The following SNX31 variants were observed in gnomAD, a reference collection of about 807,000 sequenced individuals.
SNX31 encodes sorting nexin-31.
A neutral mutation model predicts 65.4 loss-of-function variants in SNX31; 58 were observed. The ratio of observed to expected loss-of-function variants is 0.89; its 90% CI spans 0.72 to 1.10. The LOEUF is 1.10. Among genes scored for constraint, SNX31 ranks in the 50% least tolerant of loss-of-function variants. The probability of loss-of-function intolerance (pLI) is 0.00; values close to 1 mark genes in which losing one functional copy is unlikely to be tolerated. For missense variants in SNX31, 523 were observed against 529.7 expected (o/e 0.99, Z 0.12); for synonymous variants, 181 against 190.1 (o/e 0.95, Z 0.39).
intron 2 of SNX31, among the ~76,000 whole-genome samples, chr8:100,646,503 G>C (rs1368222748): frequency 2.0e-5 from 3 of 152,158 alleles, no homozygotes; most frequent in Admixed American, 1.3e-4. Context: ...AGAAAGCCTG[G>C]CTGCATCAAT....
At position 100,658,366 on chromosome 8, in the gene SNX31, A is replaced by G. The variant is rs773267628; in HGVS notation, c.-58+4776T>C. 3.0e-4 allele frequency among the ~76,000 whole-genome samples: 45 copies of G among 152,230 alleles called. 1 individual carries two copies. The highest frequency in any genetic ancestry group is 1.3e-4 in the Admixed American group (2 of 15,286). On this transcript the variant is annotated intron_variant, in intron 1 of 5. Coordinates refer to the SNX31 transcript ENST00000520352. ...TGAAACATTGCCTGAGATTTTATTCAAAGTCTTTTTCATTCATGTGCAGAA... is the reference window on the plus strand; with the variant it reads ...TGAAACATTGCCTGAGATTTTATTCGAAGTCTTTTTCATTCATGTGCAGAA...
At chr8:100,603,127 C>G in intron 8 of SNX31, among the ~76,000 whole-genome samples, 1 of 152,164 alleles carries the variant, frequency 6.6e-6, no homozygotes, top group East Asian at 1.9e-4. Flanking sequence ...GGCAGCTACC[C>G]ACCCCAAGGC....
At chr8:100,620,818 G>A (rs1817629142) in intron 4 of SNX31, among the ~76,000 whole-genome samples, 1 of 152,106 alleles carries the variant, frequency 6.6e-6, no homozygotes, top group Non-Finnish European at 1.5e-5. Flanking sequence ...AACTTGCCCA[G>A]GCCGAGCATG....
chr8:100,643,289 G>A (rs1051498766), intron 2 of SNX31, among the ~76,000 whole-genome samples: 2 of 152,160 alleles, frequency 1.3e-5, no homozygotes, highest in African/African-American at 4.8e-5. Context: ...AACATGAAGA[G>A]GCCTTTACAG....
At chr8:100,644,869 C>T (rs1295999535) in intron 2 of SNX31, among the ~76,000 whole-genome samples, 2 of 152,204 alleles carry the variant, frequency 1.3e-5, no homozygotes, top group East Asian at 1.9e-4. Flanking sequence ...TTTACCATTG[C>T]CCAGGCAGGT....
At position 100,648,445 on chromosome 8, in the gene SNX31, G is replaced by A. The variant is rs941196609; in HGVS notation, c.141+829C>T. ...CCCAAAGTATTGGGATTACAAGCAT[G>A]AGCCACGGTGCCTGGCCTATACTTT... On this transcript the variant is annotated intron_variant, in intron 2 of 13. Coordinates refer to ENST00000311812, the MANE Select transcript of SNX31 (RefSeq NM_152628.4). The surrounding 1 kb of genome is among the most constrained non-coding windows in gnomAD (Gnocchi z 4.3). Among the ~76,000 whole-genome samples the A allele has an allele frequency of 2.2e-4, 33 of 151,392 alleles. No homozygotes were observed. Among genetic ancestry groups the A allele is most frequent in the African/African-American group, 7.3e-4 (30 of 41,108 alleles).
chr8:100,577,399 G>T (rs572051091), intron 12 of SNX31, among the ~76,000 whole-genome samples: 1 of 152,266 alleles, frequency 6.6e-6, no homozygotes, highest in Admixed American at 6.5e-5. Context: ...ATAATTCTTG[G>T]GGTTGCAATC....
At chr8:100,652,847 G>C (rs1419545800), upstream of SNX31, among the ~76,000 whole-genome samples, 2 of 152,156 alleles carry the variant, frequency 1.3e-5, no homozygotes, top group African/African-American at 4.8e-5. Flanking sequence ...CTCTACACCA[G>C]AGGGGCCCAG....
At position 100,622,102 on chromosome 8, in the gene SNX31, C is replaced by A. The variant is rs558381898; in HGVS notation, c.322-4372G>T. Among the ~76,000 whole-genome samples, 1 of 152,118 alleles carries A rather than the reference C, an allele frequency of 6.6e-6. No individual in the cohort carries two copies. The highest frequency in any genetic ancestry group is 6.6e-5 in the Admixed American group (1 of 15,258). On this transcript the variant is annotated intron_variant, in intron 4 of 13. Transcript: ENST00000311812. This position sits in a 1 kb window ranked among gnomAD's most constrained non-coding sequence, Gnocchi z 5.0. ...TGACAATGAAAATAACCTGACTAAT[C>A]GGAAGTAGTTGAGTTCTACCTTCTC...
chr8:100,651,502 G>GC (rs1011025571), upstream of SNX31, among the ~76,000 whole-genome samples: 3 of 152,246 alleles, frequency 2.0e-5, no homozygotes, highest in Admixed American at 6.5e-5. Flanking sequence ...TTCACTAAGT[G>GC]CCCCCCTGGA....
At chr8:100,606,864 A>G (rs570794051) in intron 8 of SNX31, among the ~76,000 whole-genome samples, 2 of 152,370 alleles carry the variant, frequency 1.3e-5, no homozygotes, top group Admixed American at 1.3e-4. Flanking sequence ...CAGAGTTGTT[A>G]TGAAGCTCCA....
chr8:100,641,604 A>G (rs1819224714), intron 2 of SNX31, among the ~76,000 whole-genome samples: 2 of 58,156 alleles, frequency 3.4e-5, no homozygotes, highest in Admixed American at 2.4e-4. Context: ...ATACACATAC[A>G]CACACACACG....
chr8:100,584,848 C>T (rs1813891788), intron 11 of SNX31, among the ~76,000 whole-genome samples: 1 of 150,304 alleles, frequency 6.7e-6, no homozygotes, highest in South Asian at 2.1e-4. Flanking sequence ...CTCCTTGGTT[C>T]AAGCGATTCT....
At chr8:100,649,889 A>C (rs1325286615), upstream of SNX31, among the ~76,000 whole-genome samples, 1 of 152,206 alleles carries the variant, frequency 6.6e-6, no homozygotes, top group Non-Finnish European at 1.5e-5. Flanking sequence ...TGCACTAATT[A>C]AGATTTCTGT....
chr8:100,663,568 G>T (rs545552899), upstream of SNX31, among the ~76,000 whole-genome samples: 1 of 152,130 alleles, frequency 6.6e-6, no homozygotes, highest in Non-Finnish European at 1.5e-5. Context: ...CGGAGTAAAA[G>T]GTCCTATAAA....
At position 100,614,897 on chromosome 8, in the gene SNX31, A is replaced by G. The variant is rs1817036456; in HGVS notation, c.433-1812T>C. Reference sequence around the variant, plus strand: ...TCCATTTCAAAACAACAACCAAAAAAGAGACCATTGAAAAGTAAAAGGCAG... The same window carrying G: ...TCCATTTCAAAACAACAACCAAAAAGGAGACCATTGAAAAGTAAAAGGCAG... On this transcript the variant is annotated intron_variant, in intron 5 of 13. Coordinates refer to ENST00000311812, the MANE Select transcript of SNX31 (RefSeq NM_152628.4). This position sits in a 1 kb window ranked among gnomAD's most constrained non-coding sequence, Gnocchi z 5.1. Among the ~76,000 whole-genome samples, 1 of 152,216 alleles carries G rather than the reference A, an allele frequency of 6.6e-6. No homozygotes were observed. Among genetic ancestry groups the G allele is most frequent in the Admixed American group, 6.5e-5 (1 of 15,270 alleles).
chr8:100,662,144 C>A (rs1809798529), intron 1 of SNX31, among the ~76,000 whole-genome samples: 1 of 152,150 alleles, frequency 6.6e-6, no homozygotes, highest in South Asian at 2.1e-4. Context: ...CATTTAACCT[C>A]ATGACATGTA....
chr8:100,641,691 G>T (rs1819251090), intron 2 of SNX31, among the ~76,000 whole-genome samples: 1 of 117,672 alleles, frequency 8.5e-6, no homozygotes, highest in Non-Finnish European at 1.7e-5. Flanking sequence ...ATTTAAGTTT[G>T]CAATCTCTCA....
intron 13 of SNX31, among the ~76,000 whole-genome samples, chr8:100,574,830 A>G (rs1186422180): frequency 6.6e-6 from 1 of 152,136 alleles, no homozygotes; most frequent in Admixed American, 6.5e-5. Context: ...GCTACTCAGG[A>G]GGCTGAGGCA....
Sources: allele counts gnomAD v4.1 joint callset (sites outside exome capture counted in the v4.1 genomes callset), GRCh38; gene constraint gnomAD v4.1.1; non-coding constraint Gnocchi (gnomAD v3.1); transcripts MANE v1.5; gene names NCBI Gene and HGNC (gene_info 2026-07-23, HGNC 2026-07-21).